The following DIP2C variants were observed in gnomAD, a reference collection of about 807,000 sequenced individuals.
The protein encoded by DIP2C is disco-interacting protein 2 homolog C.
In DIP2C, 33 loss-of-function variants were observed where a neutral mutation model predicts 192.4. The observed-to-expected ratio is 0.17, with a 90% CI of 0.13 to 0.23. The LOEUF (loss-of-function observed/expected upper bound fraction) is 0.23. Ranked by LOEUF, DIP2C falls within the 10% of genes least tolerant of loss-of-function variation. DIP2C has a pLI of 1.00. For missense variants in DIP2C, 1,537 were observed against 2,110.1 expected (o/e 0.73, Z 5.32); for synonymous variants, 979 against 864.1 (o/e 1.13, Z -2.33).
rs368930901 is a variant in DIP2C, at chr10:363,472, C to T, written c.2478-161G>A. On this transcript the variant is annotated intron_variant, in intron 20 of 36. Transcript: ENST00000280886. This position sits in a 1 kb window ranked among gnomAD's most constrained non-coding sequence, Gnocchi z 5.4. ...CCGAATTTCCCCACACTCATCAGTACGGGAAGAACTGTGGGAGGCGCCCAG... is the reference window on the plus strand; with the variant it reads ...CCGAATTTCCCCACACTCATCAGTATGGGAAGAACTGTGGGAGGCGCCCAG... Among the ~76,000 whole-genome samples the T allele has an allele frequency of 4.6e-5, 7 of 152,262 alleles. No homozygotes were observed. The East Asian group carries it at 7.7e-4, about 17-fold the overall frequency.
chr10:466,491 T>C (rs1014419001), intron 3 of DIP2C, among the ~76,000 whole-genome samples: 4 of 140,110 alleles, frequency 2.9e-5, no homozygotes, highest in African/African-American at 1.0e-4. Context: ...AAGGACTTCA[T>C]GTCCAAAACA....
At chr10:335,253 T>C (rs1957705356) in intron 29 of DIP2C, among the ~76,000 whole-genome samples, 2 of 152,220 alleles carry the variant, frequency 1.3e-5, no homozygotes, top group Admixed American at 1.3e-4. Context: ...ATAGAAAATG[T>C]ACAAGTACGT....
chr10:621,267 C>A (rs1472321542), intron 1 of DIP2C, among the ~76,000 whole-genome samples: 1 of 151,876 alleles, frequency 6.6e-6, no homozygotes, highest in Non-Finnish European at 1.5e-5. Flanking sequence ...AGCACACACC[C>A]CCAGGTGTGC....
intron 36 of DIP2C, among the ~76,000 whole-genome samples, chr10:279,674 AG>A (rs1338047292): frequency 1.1e-4 from 16 of 152,352 alleles, no homozygotes; most frequent in Middle Eastern, 3.4e-3. Context: ...GGGAGAGGGA[AG>A]GTGGAGCAAA....
intron 1 of DIP2C, among the ~76,000 whole-genome samples, chr10:613,769 T>TC (rs1360551082): frequency 6.6e-6 from 1 of 152,038 alleles, no homozygotes; most frequent in African/African-American, 2.4e-5. Flanking sequence ...CCTGCTTTGG[T>TC]CCCCCAGCCA....
intron 1 of DIP2C, among the ~76,000 whole-genome samples, chr10:679,055 G>A (rs189305929): frequency 7.7e-4 from 4 of 5,228 alleles, no homozygotes; most frequent in Admixed American, 4.8e-3. Context: ...CCCCACACCC[G>A]TCCTCCCCGC....
Position 422,903 on chromosome 10 carries a change from G to T in DIP2C, c.525C>A (p.Thr175=). 1 of 1,613,970 alleles carries T rather than the reference G, an allele frequency of 6.2e-7. No individual in the cohort carries two copies. The highest frequency in any genetic ancestry group is 1.1e-5 in the South Asian group (1 of 91,078). ...CGCTCTGCGTAGAGGACGAGGAGGT[G>T]GTGGACGTGGTGGAGCCGTGGATGG... The part of the protein sequence containing the change: ...SQAIHGSTTS[T]TSSSSTQSGG... The change falls in exon 5 of 37, where the codon ACC becomes ACA. Residue 175 remains threonine (T), a synonymous_variant. Coordinates refer to ENST00000280886, the MANE Select transcript of DIP2C (RefSeq NM_014974.3).
chr10:617,108 C>A (rs949453510), intron 1 of DIP2C, among the ~76,000 whole-genome samples: 3 of 152,188 alleles, frequency 2.0e-5, no homozygotes, highest in African/African-American at 7.2e-5. Context: ...CCCCCACACC[C>A]AGACCCCATG....
chr10:398,363 A>G (rs1243975785), intron 10 of DIP2C, among the ~76,000 whole-genome samples: 1 of 152,186 alleles, frequency 6.6e-6, no homozygotes, highest in Non-Finnish European at 1.5e-5. Flanking sequence ...CTTTCAACCA[A>G]CTGCCAATCA....
intron 1 of DIP2C, among the ~76,000 whole-genome samples, chr10:586,669 G>C (rs980696001): frequency 6.6e-6 from 1 of 152,128 alleles, no homozygotes; most frequent in African/African-American, 2.4e-5. Flanking sequence ...ACTTTCACTG[G>C]GAAAAACACC....
chr10:425,388 C>T (rs544917451), intron 4 of DIP2C, among the ~76,000 whole-genome samples: 5 of 145,194 alleles, frequency 3.4e-5, no homozygotes, highest in African/African-American at 5.2e-5. Context: ...GCATGACCAG[C>T]GGTGACTAAT....
At position 651,360 on chromosome 10, in the gene DIP2C, T is replaced by C; in HGVS notation, c.85+38134A>G. ...ACCTACTTTTGCATCCCCAGCACTGTGCTCAGGTCCCAGGGAGGCCCCAGC... is the reference window on the plus strand; with the variant it reads ...ACCTACTTTTGCATCCCCAGCACTGCGCTCAGGTCCCAGGGAGGCCCCAGC... On this transcript the variant is annotated intron_variant, in intron 1 of 36. Coordinates refer to ENST00000280886, the MANE Select transcript of DIP2C (RefSeq NM_014974.3). The surrounding 1 kb of genome is among the most constrained non-coding windows in gnomAD (Gnocchi z 4.1). The C allele has an allele frequency of 1.4e-6, 1 of 702,282 alleles. No individual in the cohort carries two copies. The highest frequency in any genetic ancestry group is 2.0e-5 in the Admixed American group (1 of 50,020). The allele number at this position is 702,282 out of a possible 1,614,324, so 43.5% of individuals were successfully genotyped here. A position where few individuals can be genotyped will look rare whatever the true frequency, so the allele number is the denominator to read the frequency against.
chr10:573,405 T>C (rs1001357615), intron 1 of DIP2C, among the ~76,000 whole-genome samples: 1 of 151,956 alleles, frequency 6.6e-6, no homozygotes, highest in African/African-American at 2.4e-5. Context: ...TTCACCCACA[T>C]GTTATTATCG....
chr10:380,025 A>AGG (rs1962194576), intron 17 of DIP2C, among the ~76,000 whole-genome samples: 2 of 111,218 alleles, frequency 1.8e-5, no homozygotes, highest in African/African-American at 3.5e-5. Flanking sequence ...TGGTTAACGC[A>AGG]CAGAAGAGGC....
In DIP2C at chr10:636,808, T is replaced by G. The variant is rs1195315943; in HGVS notation, c.85+52686A>C. On this transcript the variant is annotated intron_variant, in intron 1 of 36. Coordinates refer to ENST00000280886, the MANE Select transcript of DIP2C (RefSeq NM_014974.3). The surrounding 1 kb of genome is among the most constrained non-coding windows in gnomAD (Gnocchi z 4.6). ...ATCATTAAATTCCCTCTTATGCACC[T>G]CAGTTCCCTGTAAACAGGAAGTTTC... Among the ~76,000 whole-genome samples the G allele has an allele frequency of 6.6e-6, 1 of 152,146 alleles. No individual in the cohort carries two copies. Among genetic ancestry groups the G allele is most frequent in the Non-Finnish European group, 1.5e-5 (1 of 68,042 alleles).
chr10:283,245 G>C (rs757914975), intron 35 of DIP2C, 27 bp downstream of exon 35: 89 of 1,582,818 alleles, frequency 5.6e-5, no homozygotes, highest in Middle Eastern at 3.5e-4. Context: ...CATCTGTTGG[G>C]GGGGGGCCGC....
intron 1 of DIP2C, among the ~76,000 whole-genome samples, chr10:531,793 C>T (rs115261239): frequency 0.035 from 5,337 of 152,254 alleles, 169 homozygotes; most frequent in African/African-American, 0.079. Context: ...GCTGCCTCGA[C>T]GGGTGCCCGT....
intron 1 of DIP2C, chr10:649,828 T>C (rs1855740606): frequency 2.2e-6 from 1 of 455,956 alleles, no homozygotes; most frequent in African/African-American, 2.0e-5. Flanking sequence ...CAGAAAACCA[T>C]TGAAGTTTTT....
At chr10:685,154 A>C (rs1421112614) in intron 1 of DIP2C, among the ~76,000 whole-genome samples, 2 of 61,930 alleles carry the variant, frequency 3.2e-5, no homozygotes, top group African/African-American at 1.4e-4. Context: ...AAAAAAAAAA[A>C]AAAAAAAATA....
Sources: allele counts gnomAD v4.1 joint callset (sites outside exome capture counted in the v4.1 genomes callset), GRCh38; gene constraint gnomAD v4.1.1; non-coding constraint Gnocchi (gnomAD v3.1); transcripts MANE v1.5; gene names NCBI Gene and HGNC (gene_info 2026-07-23, HGNC 2026-07-21).